SOWAHC: variants seen among roughly 807,000 people sequenced by gnomAD.
SOWAHC encodes the protein sosondowah ankyrin repeat domain family member C.
Under a neutral mutation model 14.4 loss-of-function variants are expected in SOWAHC, and 12 were observed. The ratio of observed to expected loss-of-function variants is 0.83; its 90% CI spans 0.53 to 1.35. The LOEUF (loss-of-function observed/expected upper bound fraction) is 1.35. Ranked by LOEUF, SOWAHC falls within the 40% of genes most tolerant of loss-of-function variation. The pLI is 0.00. For missense variants in SOWAHC, 771 were observed against 752.8 expected (o/e 1.02, Z -0.28); for synonymous variants, 398 against 347.0 (o/e 1.15, Z -1.63).
Position 109,616,263 on chromosome 2 carries a change from T to G in SOWAHC, c.*196T>G, listed in dbSNP as rs1700151935. On this transcript the variant is annotated 3_prime_UTR_variant, in exon 1 of 1. Coordinates refer to ENST00000356454, the MANE Select transcript of SOWAHC (RefSeq NM_023016.4). ...GTCTTTTTCAGAGATTCATCATACC[T>G]TGACCTGTACCTCTTCTCTGCCCTC... The G allele has an allele frequency of 6.1e-6, 5 of 815,978 alleles. No individual in the cohort carries two copies. The highest frequency in any genetic ancestry group is 8.5e-6 in the Non-Finnish European group (5 of 586,820). 50.5% of individuals were successfully genotyped at this position (815,978 alleles called of 1,614,324 possible).
At position 109,614,925 on chromosome 2, in the gene SOWAHC, C is replaced by T. The variant is rs1700041913; in HGVS notation, c.436C>T (p.Pro146Ser). The T allele has an allele frequency of 2.0e-6, 3 of 1,493,054 alleles. No homozygotes were observed. Among genetic ancestry groups the T allele is most frequent in the Non-Finnish European group, 1.8e-6 (2 of 1,128,384 alleles). The allele number at this position is 1,493,054 out of a possible 1,614,324, so 92.5% of individuals were successfully genotyped here. A position where few individuals can be genotyped will look rare whatever the true frequency, so the allele number is the denominator to read the frequency against. ...EGEPPAPAHW[P>S]PLSAGARRKN... is the part of the protein sequence containing the mutation. ...AGAGCCCCCCGCCCCCGCGCACTGG[C>T]CGCCCCTGAGCGCCGGGGCTCGCAG... The change falls in exon 1 of 1, where the codon CCG becomes TCG. Residue 146 changes from proline (P) to serine (S), a missense_variant. Transcript: ENST00000356454.
rs1700150918 is a variant in SOWAHC at position 109,616,203 on chromosome 2, G to C, written c.*136G>C. Reference sequence around the variant, plus strand: ...GAGGGATCGGAATGGATGGGGCGGAGTTCTCTTCAGGCTAGCCTTCTGGGA... The same window carrying C: ...GAGGGATCGGAATGGATGGGGCGGACTTCTCTTCAGGCTAGCCTTCTGGGA... On this transcript the variant is annotated 3_prime_UTR_variant, in exon 1 of 1. Transcript: ENST00000356454. 3 of 1,317,932 alleles carry C rather than the reference G, an allele frequency of 2.3e-6. No individual in the cohort carries two copies. Among genetic ancestry groups the C allele is most frequent in the Non-Finnish European group, 2.9e-6 (3 of 1,020,714 alleles). The allele number at this position is 1,317,932 out of a possible 1,614,324, so 81.6% of individuals were successfully genotyped here. A position where few individuals can be genotyped will look rare whatever the true frequency, so the allele number is the denominator to read the frequency against.
chr2:109,618,414 A>G lies in SOWAHC; in HGVS notation c.*2347A>G, dbSNP rs1700176300. The G allele has an allele frequency of 1.2e-5, 2 of 167,114 alleles. No individual in the cohort carries two copies. Among genetic ancestry groups the G allele is most frequent in the African/African-American group, 4.8e-5 (2 of 41,470 alleles). 10.4% of individuals were successfully genotyped at this position (167,114 alleles called of 1,614,324 possible). ...AATTGCACAAAATCTATAATTTGCC[A>G]GGGCTTTAGAGATTGAGTCAATATG... On this transcript the variant is annotated 3_prime_UTR_variant, in exon 1 of 1. Coordinates refer to ENST00000356454, the MANE Select transcript of SOWAHC (RefSeq NM_023016.4).
In SOWAHC at chr2:109,615,498, A is replaced by G; in HGVS notation, c.1009A>G (p.Arg337Gly). 1 of 1,613,748 alleles carries G rather than the reference A, an allele frequency of 6.2e-7. No homozygotes were observed. Among genetic ancestry groups the G allele is most frequent in the East Asian group, 2.2e-5 (1 of 44,860 alleles). ...KHQLPVNIDARTSGGYTALHL... is the reference protein window; with the variant it reads ...KHQLPVNIDAGTSGGYTALHL... The stretch of plus-strand genomic sequence containing the variant: ...CCAGCTGCCGGTGAACATCGACGCC[A>G]GGACGAGCGGGGGTTACACCGCCCT... The change falls in exon 1 of 1, where the codon AGG becomes GGG. Residue 337 changes from arginine (R) to glycine (G), a missense_variant. By Grantham distance (125) the Arg-to-Gly change is moderately radical. Coordinates refer to ENST00000356454, the MANE Select transcript of SOWAHC (RefSeq NM_023016.4).
rs1270565374 is a variant in SOWAHC at position 109,614,914 on chromosome 2, C to T, written c.425C>T (p.Pro142Leu). ...RELGEGEPPA[P>L]AHWPPLSAGA... Reference sequence around the variant, plus strand: ...CTGGGCGAGGGAGAGCCCCCCGCCCCCGCGCACTGGCCGCCCCTGAGCGCC... The same window carrying T: ...CTGGGCGAGGGAGAGCCCCCCGCCCTCGCGCACTGGCCGCCCCTGAGCGCC... Residue 142 changes from proline (P) to leucine (L), a missense_variant, in exon 1 of 1, where the codon CCC becomes CTC. Transcript: ENST00000356454. 6.8e-7 allele frequency: 1 copy of T among 1,468,558 alleles called. No homozygotes were observed. The highest frequency in any genetic ancestry group is 8.9e-7 in the Non-Finnish European group (1 of 1,118,374). The allele number at this position is 1,468,558 out of a possible 1,614,324, so 91.0% of individuals were successfully genotyped here. A position where few individuals can be genotyped will look rare whatever the true frequency, so the allele number is the denominator to read the frequency against.
Position 109,614,432 on chromosome 2 carries a change from C to T in SOWAHC, c.-58C>T. The T allele has an allele frequency of 8.7e-7, 1 of 1,149,958 alleles. No individual in the cohort carries two copies. Among genetic ancestry groups the T allele is most frequent in the Non-Finnish European group, 1.1e-6 (1 of 921,282 alleles). The allele number at this position is 1,149,958 out of a possible 1,614,324, so 71.2% of individuals were successfully genotyped here. ...GCCGTCGGGAGCCGGCCGCTGGGAGCCCGTCGCTATGGGACCGCGCTGAGC... is the reference window on the plus strand; with the variant it reads ...GCCGTCGGGAGCCGGCCGCTGGGAGTCCGTCGCTATGGGACCGCGCTGAGC... On this transcript the variant is annotated 5_prime_UTR_variant, in exon 1 of 1. Transcript: ENST00000356454.
rs1700167282 is a variant in SOWAHC at position 109,617,710 on chromosome 2, A to C, written c.*1643A>C. On this transcript the variant is annotated 3_prime_UTR_variant, in exon 1 of 1. Transcript: ENST00000356454. ...TGGTCACATCTGTCTCTAGATGGTC[A>C]TTGAATTTGTTTAAAGATGGATGAA... is the stretch of plus-strand genomic sequence containing the variant. 1 of 166,956 alleles carries C rather than the reference A, an allele frequency of 6.0e-6. No individual in the cohort carries two copies. Among genetic ancestry groups the C allele is most frequent in the African/African-American group, 2.4e-5 (1 of 41,446 alleles). 10.3% of individuals were successfully genotyped at this position (166,956 alleles called of 1,614,324 possible).
rs1228662293 is a variant in SOWAHC at position 109,615,134 on chromosome 2, G to C, written c.645G>C (p.Gln215His). Residue 215 changes from glutamine to histidine, a missense_variant, in exon 1 of 1, where the codon CAG becomes CAC. Physicochemically the swap from Gln to His is conservative, Grantham distance 24 (BLOSUM62 0). Transcript: ENST00000356454. ...ACCTGGTGATGGGCAGCTCCCCGCA[G>C]CTGAAGAGGAGCGTGTGTCCCGGGG... ...LRDLVMGSSPQLKRSVCPGGS... is the reference protein window; with the variant it reads ...LRDLVMGSSPHLKRSVCPGGS... 2 of 1,549,618 alleles carry C rather than the reference G, an allele frequency of 1.3e-6. No homozygotes were observed.
At position 109,616,240 on chromosome 2, in the gene SOWAHC, C is replaced by A. The variant is rs1227642689; in HGVS notation, c.*173C>A. The A allele has an allele frequency of 5.7e-6, 6 of 1,055,034 alleles. No individual in the cohort carries two copies. Among genetic ancestry groups the A allele is most frequent in the South Asian group, 6.9e-5 (2 of 29,002 alleles). The allele number at this position is 1,055,034 out of a possible 1,614,324, so 65.4% of individuals were successfully genotyped here. ...CTAGCCTTCTGGGAAAAGTGGATGTCTTTTTCAGAGATTCATCATACCTTG... is the reference window on the plus strand; with the variant it reads ...CTAGCCTTCTGGGAAAAGTGGATGTATTTTTCAGAGATTCATCATACCTTG... On this transcript the variant is annotated 3_prime_UTR_variant, in exon 1 of 1. Transcript: ENST00000356454.
At position 109,614,365 on chromosome 2, in the gene SOWAHC, G is replaced by A. The variant is rs1699980311; in HGVS notation, c.-125G>A. Reference sequence around the variant, plus strand: ...GCGGTGGCCGAGTCCTCTGGCCTCAGACGCGTAGGCTGGCAGCCCGCTGAG... The same window carrying A: ...GCGGTGGCCGAGTCCTCTGGCCTCAAACGCGTAGGCTGGCAGCCCGCTGAG... On this transcript the variant is annotated 5_prime_UTR_variant, in exon 1 of 1. Transcript: ENST00000356454. The A allele has an allele frequency of 1.2e-6, 1 of 813,384 alleles. No homozygotes were observed. The highest frequency in any genetic ancestry group is 6.3e-5 in the South Asian group (1 of 15,838). The allele number at this position is 813,384 out of a possible 1,614,324, so 50.4% of individuals were successfully genotyped here.
rs1700115289 is a variant in SOWAHC, at chr2:109,615,653, G to A, written c.1164G>A (p.Glu388=). The change falls in exon 1 of 1, where the codon GAG becomes GAA. Residue 388 remains glutamate, a synonymous_variant. Coordinates refer to ENST00000356454, the MANE Select transcript of SOWAHC (RefSeq NM_023016.4). The part of the protein sequence containing the change: ...ASQYLSRSIA[E]EIKNLVGALD... ...AGTACCTGAGTCGGAGCATCGCCGA[G>A]GAGATCAAGAACCTGGTGGGAGCCC... The A allele has an allele frequency of 6.2e-7, 1 of 1,613,834 alleles. No homozygotes were observed. The highest frequency in any genetic ancestry group is 1.7e-5 in the Admixed American group (1 of 60,014).
rs768666233 is a variant in SOWAHC at position 109,615,071 on chromosome 2, G to T, written c.582G>T (p.Gly194=). ...CGGACAGGGGCAGCTCCCTTGTGGG[G>T]GCTACCGCACAGAGGCCGGCCCGCC... The part of the protein sequence containing the change: ...EEADRGSSLV[G]ATAQRPARQN... Residue 194 remains glycine, a synonymous_variant, in exon 1 of 1, where the codon GGG becomes GGT. Coordinates refer to ENST00000356454, the MANE Select transcript of SOWAHC (RefSeq NM_023016.4). 5.8e-6 allele frequency: 9 copies of T among 1,549,338 alleles called. No individual in the cohort carries two copies. The highest frequency in any genetic ancestry group is 1.7e-4 in the Middle Eastern group (1 of 5,800).
chr2:109,615,700 G>C lies in SOWAHC; in HGVS notation c.1211G>C (p.Ser404Thr), dbSNP rs1405082224. 1 of 1,613,856 alleles carries C rather than the reference G, an allele frequency of 6.2e-7. No homozygotes were observed. The highest frequency in any genetic ancestry group is 8.5e-7 in the Non-Finnish European group (1 of 1,179,932). ...VGALDEGDGE[S>T]AAGSGGGRWR... ...GCCCTGGACGAGGGTGACGGGGAAA[G>C]CGCCGCGGGTAGCGGCGGCGGGCGC... The change falls in exon 1 of 1, where the codon AGC (serine) becomes ACC (threonine). Residue 404 changes from serine (S) to threonine (T), a missense_variant. By Grantham distance (58) the Ser-to-Thr change is moderately conservative (BLOSUM62 1). Coordinates refer to ENST00000356454, the MANE Select transcript of SOWAHC (RefSeq NM_023016.4).
Position 109,614,618 on chromosome 2 carries a change from CGG to C in SOWAHC, c.130_131del (p.Gly44ArgfsTer41). On this transcript the variant is annotated frameshift_variant, in exon 1 of 1. Coordinates refer to ENST00000356454, the MANE Select transcript of SOWAHC (RefSeq NM_023016.4). LOFTEE classifies it low-confidence loss of function (END_TRUNC). ...TGCAGCACTTCAGGGGCGCCCTAGG[CGG>C]CGAACCGGAGCAGCGCGCCCGCGCC... ...LVQHFRGALG[G>X]EPEQRARARA... is the part of the protein sequence containing the mutation. 2 of 1,459,550 alleles carry C rather than the reference CGG, an allele frequency of 1.4e-6. No individual in the cohort carries two copies. Among genetic ancestry groups the C allele is most frequent in the Non-Finnish European group, 1.8e-6 (2 of 1,109,702 alleles). 90.4% of individuals were successfully genotyped at this position (1,459,550 alleles called of 1,614,324 possible).
rs1430901464 is a variant in SOWAHC, at chr2:109,615,037, G to A, written c.548G>A (p.Cys183Tyr). 6.5e-7 allele frequency: 1 copy of A among 1,548,026 alleles called. No individual in the cohort carries two copies. The highest frequency in any genetic ancestry group is 2.4e-5 in the East Asian group (1 of 40,906). The change falls in exon 1 of 1, where the codon TGC becomes TAC. Residue 183 changes from cysteine to tyrosine, a missense_variant. By Grantham distance (194) the Cys-to-Tyr change is radical (BLOSUM62 -2). Coordinates refer to ENST00000356454, the MANE Select transcript of SOWAHC (RefSeq NM_023016.4). ...GACCTGGAGCTCCCGCCACATGGCT[G>A]CGAGGAGGCGGACAGGGGCAGCTCC... ...SEDLELPPHGCEEADRGSSLV... is the reference protein window; with the variant it reads ...SEDLELPPHGYEEADRGSSLV...
Position 109,615,840 on chromosome 2 carries a change from G to A in SOWAHC, c.1351G>A (p.Gly451Ser). Reference sequence around the variant, plus strand: ...CCACTCGGCTGAGGGGTGGGTCGGAGGCAAAGCCAAGGATCCAGGGCGCAA... The same window carrying A: ...CCACTCGGCTGAGGGGTGGGTCGGAAGCAAAGCCAAGGATCCAGGGCGCAA... ...HHHSAEGWVG[G>S]KAKDPGRKAS... The change falls in exon 1 of 1, where the codon GGC becomes AGC. Residue 451 changes from glycine to serine, a missense_variant. Physicochemically the swap from Gly to Ser is moderately conservative, Grantham distance 56. Coordinates refer to ENST00000356454, the MANE Select transcript of SOWAHC (RefSeq NM_023016.4). 6.2e-7 allele frequency: 1 copy of A among 1,614,164 alleles called. No homozygotes were observed. The highest frequency in any genetic ancestry group is 8.5e-7 in the Non-Finnish European group (1 of 1,180,032).
rs1699992323 is a variant in SOWAHC at position 109,614,485 on chromosome 2, C to A, written c.-5C>A. On this transcript the variant is annotated 5_prime_UTR_variant, in exon 1 of 1. Coordinates refer to ENST00000356454, the MANE Select transcript of SOWAHC (RefSeq NM_023016.4). ...CCCGCTGGCGGGGGAGCAGCGCGGT[C>A]GAGGATGGAGGGGCCGGCAGAGTGG... 10 of 1,233,548 alleles carry A rather than the reference C, an allele frequency of 8.1e-6. No individual in the cohort carries two copies. In the South Asian group the frequency reaches 1.4e-4, roughly 18 times the overall value. The allele number at this position is 1,233,548 out of a possible 1,614,324, so 76.4% of individuals were successfully genotyped here. A position where few individuals can be genotyped will look rare whatever the true frequency, so the allele number is the denominator to read the frequency against.
In SOWAHC at chr2:109,615,219, A is replaced by T. The variant is rs757538355; in HGVS notation, c.730A>T (p.Ser244Cys). ...CGGCAGAGGCGGGGGCGACTCAGAC[A>T]GCGCATCGGTGGCCTCGTCGTCCGC... ...GRGRGGGDSDSASVASSSAEE... is the reference protein window; with the variant it reads ...GRGRGGGDSDCASVASSSAEE... The change falls in exon 1 of 1, where the codon AGC (serine) becomes TGC (cysteine). Residue 244 changes from serine (S) to cysteine (C), a missense_variant. Ser to Cys is a moderately radical substitution (Grantham distance 112). Transcript: ENST00000356454. The T allele has an allele frequency of 5.2e-6, 8 of 1,546,894 alleles. No homozygotes were observed. The South Asian group carries it at 8.3e-5, about 16-fold the overall frequency.
chr2:109,614,771 G>T lies in SOWAHC; in HGVS notation c.282G>T (p.Pro94=), dbSNP rs1367106352. The stretch of plus-strand genomic sequence containing the variant: ...GGCCGTCCGAGCCCTCCGGGGACCC[G>T]CCGCGAATCCAGGTGACCGCCGAGC... The part of the protein sequence containing the change: ...CEGPSEPSGD[P]PRIQVTAEPE... The change falls in exon 1 of 1, where the codon CCG becomes CCT. Residue 94 remains proline, a synonymous_variant. Transcript: ENST00000356454. The T allele has an allele frequency of 1.4e-6, 2 of 1,478,620 alleles. No individual in the cohort carries two copies. Among genetic ancestry groups the T allele is most frequent in the South Asian group, 1.3e-5 (1 of 78,558 alleles). The allele number at this position is 1,478,620 out of a possible 1,614,324, so 91.6% of individuals were successfully genotyped here. A position where few individuals can be genotyped will look rare whatever the true frequency, so the allele number is the denominator to read the frequency against.
Sources: allele counts gnomAD v4.1 joint callset, GRCh38; gene constraint gnomAD v4.1.1; transcripts MANE v1.5; gene names NCBI Gene and HGNC (gene_info 2026-07-23, HGNC 2026-07-21).